The following OSGIN1 variants were observed in gnomAD, a reference collection of about 807,000 sequenced individuals.
OSGIN1 encodes oxidative stress-induced growth inhibitor 1.
A neutral mutation model predicts 20.1 loss-of-function variants in OSGIN1; 19 were observed. The observed-to-expected ratio is 0.95, with a 90% confidence interval of 0.66 to 1.39. The LOEUF (loss-of-function observed/expected upper bound fraction) is 1.39. OSGIN1 is among the 40% of genes most tolerant of loss of function. The pLI is 0.00. For synonymous variants in OSGIN1, 368 were observed against 297.8 expected (o/e 1.24, Z -2.43); for missense variants, 820 against 653.0 (o/e 1.26, Z -2.79).
intron 5 of OSGIN1, among the ~76,000 whole-genome samples, chr16:83,963,494 C>T (rs1267080802): frequency 6.6e-6 from 1 of 152,138 alleles, no homozygotes; most frequent in Non-Finnish European, 1.5e-5. Flanking sequence ...CAAGGTTACC[C>T]AGCCCCTGCC....
Position 83,965,955 on chromosome 16 carries a change from C to T in OSGIN1, c.1382C>T (p.Ala461Val). 6.2e-7 allele frequency: 1 copy of T among 1,609,856 alleles called. No homozygotes were observed. The highest frequency in any genetic ancestry group is 8.5e-7 in the Non-Finnish European group (1 of 1,178,690). Residue 461 changes from alanine to valine, a missense_variant, in exon 6 of 6, where the codon GCC becomes GTC. Coordinates refer to ENST00000393306, the MANE Select transcript of OSGIN1 (RefSeq NM_182981.3). ...DNFVRFVQGG[A>V]LAVASSLLRK... Reference sequence around the variant, plus strand: ...TTCGTGAGGTTTGTGCAGGGGGGCGCCTTGGCTGTGGCCAGCTCCCTGCTA... The same window carrying T: ...TTCGTGAGGTTTGTGCAGGGGGGCGTCTTGGCTGTGGCCAGCTCCCTGCTA...
At position 83,960,706 on chromosome 16, in the gene OSGIN1, G is replaced by A. The variant is rs761844991; in HGVS notation, c.342G>A (p.Glu114=). 1 of 1,613,568 alleles carries A rather than the reference G, an allele frequency of 6.2e-7. No individual in the cohort carries two copies. The highest frequency in any genetic ancestry group is 8.5e-7 in the Non-Finnish European group (1 of 1,180,038). Residue 114 remains glutamate (E), a synonymous_variant, in exon 4 of 6, where the codon GAG becomes GAA. Coordinates refer to ENST00000393306, the MANE Select transcript of OSGIN1 (RefSeq NM_182981.3). ...KSVLTWKHRK[E]HAIPHVVLGR... ...TCCTCACCTGGAAGCACCGGAAGGA[G>A]CACGCCATCCCCCACGTGGTTCTGG...
chr16:83,966,126 C>G lies in OSGIN1; in HGVS notation c.*119C>G. The G allele has an allele frequency of 2.4e-6, 2 of 827,704 alleles. No homozygotes were observed. The highest frequency in any genetic ancestry group is 3.7e-6 in the Non-Finnish European group (2 of 545,710). The allele number at this position is 827,704 out of a possible 1,614,324, so 51.3% of individuals were successfully genotyped here. A position where few individuals can be genotyped will look rare whatever the true frequency, so the allele number is the denominator to read the frequency against. On this transcript the variant is annotated 3_prime_UTR_variant, in exon 6 of 6. Coordinates refer to ENST00000393306, the MANE Select transcript of OSGIN1 (RefSeq NM_182981.3). ...AGGGGTGTCAGCCCACGTTGCTGGC[C>G]TTTGGGGTCAAGAGGAGTAGGGATC...
intron 2 of OSGIN1, 42 bp from the exon 3 acceptor site, chr16:83,959,218 C>T (rs1909083214): frequency 3.2e-6 from 5 of 1,569,230 alleles, no homozygotes; most frequent in South Asian, 1.1e-5. Context: ...TGTCCCCCAC[C>T]TGAAAAGGCC....
intron 5 of OSGIN1, 145 bp downstream of exon 5, chr16:83,961,217 A>T: frequency 3.1e-6 from 2 of 648,920 alleles, no homozygotes; most frequent in Admixed American, 4.8e-5. Flanking sequence ...AGTCCTAATG[A>T]CATGTGCCCA....
chr16:83,963,199 T>C (rs534807870), intron 5 of OSGIN1, among the ~76,000 whole-genome samples: 2 of 152,344 alleles, frequency 1.3e-5, no homozygotes, highest in South Asian at 4.1e-4. Flanking sequence ...ACTTCCAGGT[T>C]TGTGTAGCTA....
rs770212169 is a variant in OSGIN1 at position 83,965,090 on chromosome 16, G to C, written c.517G>C (p.Gly173Arg). ...RGLRNSRATA[G>R]DIAHYYRDYV... ...TCTTCGCAACAGCCGGGCCACTGCC[G>C]GGGACATCGCCCACTACTACAGGGA... The change falls in exon 6 of 6, where the codon GGG (glycine) becomes CGG (arginine). Residue 173 changes from glycine to arginine, a missense_variant. Gly to Arg is a moderately radical substitution (Grantham distance 125, BLOSUM62 -2). Transcript: ENST00000393306. 1.9e-6 allele frequency: 3 copies of C among 1,564,976 alleles called. No individual in the cohort carries two copies. The highest frequency in any genetic ancestry group is 1.1e-5 in the South Asian group (1 of 90,084).
intron 3 of OSGIN1, among the ~76,000 whole-genome samples, chr16:83,960,024 T>C (rs772980899): frequency 6.6e-6 from 1 of 152,154 alleles, no homozygotes; most frequent in African/African-American, 2.4e-5. Context: ...GCAGTGTACA[T>C]CCTCCTGTTC....
At chr16:83,955,191 C>A (rs1908867793) in intron 1 of OSGIN1, among the ~76,000 whole-genome samples, 1 of 152,186 alleles carries the variant, frequency 6.6e-6, no homozygotes, top group Non-Finnish European at 1.5e-5. Flanking sequence ...GGGCCCAGAG[C>A]CATTCGAGGG....
In OSGIN1 at chr16:83,953,379, C is replaced by T; in HGVS notation, c.-33+9C>T. 1 of 1,288,592 alleles carries T rather than the reference C, an allele frequency of 7.8e-7. No homozygotes were observed. The highest frequency in any genetic ancestry group is 1.5e-5 in the African/African-American group (1 of 65,962). 79.8% of individuals were successfully genotyped at this position (1,288,592 alleles called of 1,614,324 possible). ...GCACCACTGCCTGTCAGGTGAGTGT[C>T]CGGGGCCAGGTTCCGGGGCAGGGAA... is the stretch of plus-strand genomic sequence containing the variant. On this transcript the variant is annotated intron_variant, in intron 1 of 5. Transcript: ENST00000393306.
At position 83,959,256 on chromosome 16, in the gene OSGIN1, C is replaced by G. The variant is rs187115914; in HGVS notation, c.68-4C>G. 8.2e-5 allele frequency: 132 copies of G among 1,613,120 alleles called. No homozygotes were observed. The African/African-American group carries it at 1.5e-3, about 19-fold the overall frequency. On this transcript the variant is annotated splice_region_variant and splice_polypyrimidine_tract_variant and intron_variant, in intron 2 of 5. Transcript: ENST00000393306. Reference sequence around the variant, plus strand: ...CCCCTTTAACCTCCACCCTCTCTCCCCAGGTAACGGCCCCTCTGGTATCTG... The same window carrying G: ...CCCCTTTAACCTCCACCCTCTCTCCGCAGGTAACGGCCCCTCTGGTATCTG...
intron 2 of OSGIN1, 118 bp downstream of exon 2, chr16:83,957,856 A>ATTTT (rs1289092990): frequency 6.6e-5 from 26 of 396,800 alleles, no homozygotes; most frequent in African/African-American, 2.2e-4. Flanking sequence ...TTTGGGGTTT[A>ATTTT]TTTTTTATTT....
Position 83,960,700 on chromosome 16 carries a change from G to A in OSGIN1, c.336G>A (p.Arg112=). ...AGTCGGTCCTCACCTGGAAGCACCG[G>A]AAGGAGCACGCCATCCCCCACGTGG... ...NMKSVLTWKH[R]KEHAIPHVVL... is the part of the protein sequence containing the mutation. Residue 112 remains arginine (R), a synonymous_variant, in exon 4 of 6, where the codon CGG becomes CGA. Transcript: ENST00000393306. 6.2e-7 allele frequency: 1 copy of A among 1,613,572 alleles called. No individual in the cohort carries two copies. Among genetic ancestry groups the A allele is most frequent in the Non-Finnish European group, 8.5e-7 (1 of 1,180,038 alleles).
At chr16:83,964,196 C>T (rs2084249024) in intron 5 of OSGIN1, among the ~76,000 whole-genome samples, 1 of 152,078 alleles carries the variant, frequency 6.6e-6, no homozygotes, top group South Asian at 2.1e-4. Flanking sequence ...TCCAGCTGCT[C>T]AGGAGGCCGA....
chr16:83,953,359 A>G lies in OSGIN1; in HGVS notation c.-44A>G. ...GCCGGGCTCACTGGGCTCCTGCACC[A>G]CTGCCTGTCAGGTGAGTGTCCGGGG... On this transcript the variant is annotated 5_prime_UTR_variant, in exon 1 of 6. Coordinates refer to ENST00000393306, the MANE Select transcript of OSGIN1 (RefSeq NM_182981.3). 7.8e-7 allele frequency: 1 copy of G among 1,288,718 alleles called. No individual in the cohort carries two copies. Among genetic ancestry groups the G allele is most frequent in the African/African-American group, 1.5e-5 (1 of 65,906 alleles). The allele number at this position is 1,288,718 out of a possible 1,614,324, so 79.8% of individuals were successfully genotyped here. A position where few individuals can be genotyped will look rare whatever the true frequency, so the allele number is the denominator to read the frequency against.
At position 83,964,714 on chromosome 16, in the gene OSGIN1, C is replaced by T. The variant is rs182748460; in HGVS notation, c.489-348C>T. ...ACGAAATAGGTCCTGCCACCAACAT[C>T]TTCCTCATTTTGCAAACTGGGGAAA... On this transcript the variant is annotated intron_variant, in intron 5 of 5. Coordinates refer to ENST00000393306, the MANE Select transcript of OSGIN1 (RefSeq NM_182981.3). Among the ~76,000 whole-genome samples, 341 of 152,318 alleles carry T rather than the reference C, an allele frequency of 2.2e-3. 5 individuals carry two copies. Among genetic ancestry groups the T allele is most frequent in the Admixed American group, 0.018 (273 of 15,298 alleles).
intron 2 of OSGIN1, among the ~76,000 whole-genome samples, 169 bp from the exon 3 acceptor site, chr16:83,959,091 A>G (rs536795627): frequency 1.3e-5 from 2 of 152,186 alleles, no homozygotes; most frequent in Non-Finnish European, 2.9e-5. Context: ...CTTCTTTTTA[A>G]AAGTATTATT....
At chr16:83,958,138 A>G (rs1909033202) in intron 2 of OSGIN1, among the ~76,000 whole-genome samples, 1 of 152,106 alleles carries the variant, frequency 6.6e-6, no homozygotes, top group Admixed American at 6.5e-5. Context: ...CAGCCTCCCA[A>G]AGTGCTGGGA....
chr16:83,963,287 T>G (rs1426375170), intron 5 of OSGIN1, among the ~76,000 whole-genome samples: 7 of 152,214 alleles, frequency 4.6e-5, no homozygotes, highest in Non-Finnish European at 7.3e-5. Context: ...ATTTTCACAT[T>G]GTATCCCAAG....
Sources: gnomAD v4.1 joint callset for allele counts (sites outside exome capture counted in the v4.1 genomes callset) on GRCh38, gnomAD v4.1.1 for gene constraint, MANE v1.5 for transcripts, NCBI Gene and HGNC (gene_info 2026-07-23, HGNC 2026-07-21) for gene names.